ARHGAP19: variants seen among roughly 807,000 people sequenced by gnomAD.
The protein encoded by ARHGAP19 is Rho GTPase activating protein 19.
A neutral mutation model predicts 60.9 loss-of-function variants in ARHGAP19; 48 were observed. That is an observed-to-expected ratio of 0.79 (90% confidence interval 0.62 to 1.00). The LOEUF is 1.00. ARHGAP19 is among the 50% of genes least tolerant of loss of function. The pLI is 0.00. For missense variants in ARHGAP19, 562 were observed against 597.2 expected, an observed-to-expected ratio of 0.94 and a Z score of 0.61; for synonymous variants, 209 against 215.5, an observed-to-expected ratio of 0.97 and a Z score of 0.27.
intron 6 of ARHGAP19, 64 bp from the exon 7 acceptor site, chr10:97,246,401 C>T (rs931804259): frequency 2.3e-6 from 3 of 1,299,480 alleles, no homozygotes; most frequent in African/African-American, 1.5e-5. Flanking sequence ...TCTTTCAGGC[C>T]GCAAGGACAG....
Position 97,230,877 on chromosome 10 carries a change from C to A in ARHGAP19, c.1285-1003G>T, listed in dbSNP as rs1404583674. Among the ~76,000 whole-genome samples, 20 of 151,876 alleles carry A rather than the reference C, an allele frequency of 1.3e-4. 1 individual carries two copies. Among genetic ancestry groups the A allele is most frequent in the Admixed American group, 1.2e-3 (19 of 15,226 alleles). On this transcript the variant is annotated intron_variant, in intron 9 of 11. Coordinates refer to ENST00000358531, the MANE Select transcript of ARHGAP19 (RefSeq NM_032900.6). The stretch of plus-strand genomic sequence containing the variant: ...GGCCAGGAGTTTGAGACCAGCCTGG[C>A]CAACATGGTGAAATACTGTCTCTAC...
At chr10:97,226,232 T>C in intron 11 of ARHGAP19, 100 bp from the exon 12 acceptor site, 2 of 1,234,808 alleles carry the variant, frequency 1.6e-6, no homozygotes, top group South Asian at 2.7e-5. Flanking sequence ...TAATATTTTC[T>C]CCAAACTGAA....
intron 9 of ARHGAP19, among the ~76,000 whole-genome samples, chr10:97,231,248 G>T (rs1851011011): frequency 6.6e-6 from 1 of 152,108 alleles, no homozygotes; most frequent in Non-Finnish European, 1.5e-5. Context: ...GTCTAAGCAG[G>T]TAAATGCACT....
At chr10:97,243,824 A>G (rs758842795) in intron 8 of ARHGAP19, 144 bp downstream of exon 8, 29 of 707,090 alleles carry the variant, frequency 4.1e-5, no homozygotes, top group Non-Finnish European at 6.3e-5. Flanking sequence ...AATGGCACAG[A>G]GATCACTGTG....
chr10:97,234,304 G>C (rs1188163612), intron 9 of ARHGAP19, among the ~76,000 whole-genome samples: 1 of 151,466 alleles, frequency 6.6e-6, no homozygotes, highest in Non-Finnish European at 1.5e-5. Flanking sequence ...GCTAACGCAT[G>C]CTGGGCTTCA....
intron 1 of ARHGAP19, among the ~76,000 whole-genome samples, chr10:97,269,760 C>T (rs1842939489): frequency 6.6e-6 from 1 of 152,160 alleles, no homozygotes; most frequent in African/African-American, 2.4e-5. Context: ...TTCTCAATAA[C>T]TGATTCAGAT....
chr10:97,273,148 G>A (rs1193529032), intron 1 of ARHGAP19, among the ~76,000 whole-genome samples: 2 of 151,148 alleles, frequency 1.3e-5, no homozygotes, highest in Non-Finnish European at 3.0e-5. Flanking sequence ...CCTGTTTGTT[G>A]TTTATTTCAT....
chr10:97,263,678 G>T (rs771695709), intron 3 of ARHGAP19, 49 bp from the exon 4 acceptor site: 21 of 1,543,244 alleles, frequency 1.4e-5, no homozygotes, highest in African/African-American at 2.7e-5. Context: ...GAAGCAGAAA[G>T]ATTATTATTA....
Position 97,229,957 on chromosome 10 carries a change from G to T in ARHGAP19, c.1285-83C>A, listed in dbSNP as rs558703620. 250 of 994,250 alleles carry T rather than the reference G, an allele frequency of 2.5e-4. No individual in the cohort carries two copies. The African/African-American group carries it at 3.5e-3, about 14-fold the overall frequency. The allele number at this position is 994,250 out of a possible 1,614,324, so 61.6% of individuals were successfully genotyped here. A position where few individuals can be genotyped will look rare whatever the true frequency, so the allele number is the denominator to read the frequency against. On this transcript the variant is annotated intron_variant, in intron 9 of 11. Coordinates refer to ENST00000358531, the MANE Select transcript of ARHGAP19 (RefSeq NM_032900.6). ...CTATACTAGCCTTCAAAACTGTAAT[G>T]TCCTTGGGTTAAAAAAATCTCAGCA...
chr10:97,256,199 G>A (rs1156783467), intron 6 of ARHGAP19, 119 bp downstream of exon 6: 2 of 821,800 alleles, frequency 2.4e-6, no homozygotes, highest in African/African-American at 3.4e-5. Flanking sequence ...TGTCCATTCT[G>A]GTTTGCAATC....
rs1430075436 is a variant in ARHGAP19 at position 97,222,629 on chromosome 10, C to T, written c.*3493G>A. 1 of 152,246 alleles carries T rather than the reference C, an allele frequency of 6.6e-6. No individual in the cohort carries two copies. Among genetic ancestry groups the T allele is most frequent in the African/African-American group, 2.4e-5 (1 of 41,460 alleles). The allele number at this position is 152,246 out of a possible 1,614,324, so 9.4% of individuals were successfully genotyped here. A position where few individuals can be genotyped will look rare whatever the true frequency, so the allele number is the denominator to read the frequency against. ...TACAGTGGGTTTTAGTTGAGTTAAT[C>T]ACCACTGGTGTAAAACGCTTGTGCA... On this transcript the variant is annotated 3_prime_UTR_variant, in exon 12 of 12. Transcript: ENST00000358531.
At chr10:97,272,242 T>A (rs1229315595) in intron 1 of ARHGAP19, among the ~76,000 whole-genome samples, 1 of 147,828 alleles carries the variant, frequency 6.8e-6, no homozygotes, top group African/African-American at 2.5e-5. Context: ...TTCAAGCAAT[T>A]CTCCTGCCTC....
intron 1 of ARHGAP19, among the ~76,000 whole-genome samples, chr10:97,282,170 A>G (rs1478131448): frequency 6.6e-6 from 1 of 152,134 alleles, no homozygotes; most frequent in Non-Finnish European, 1.5e-5. Flanking sequence ...GAAACATTCT[A>G]TTCCCTTCAT....
intron 9 of ARHGAP19, among the ~76,000 whole-genome samples, chr10:97,233,761 G>A (rs2134815336): frequency 6.6e-6 from 1 of 152,182 alleles, no homozygotes; most frequent in African/African-American, 2.4e-5. Context: ...CCAGCTACTT[G>A]GGAGGCTGAG....
At chr10:97,257,325 T>C (rs530493974) in intron 5 of ARHGAP19, among the ~76,000 whole-genome samples, 115 of 150,532 alleles carry the variant, frequency 7.6e-4, no homozygotes, top group South Asian at 2.1e-3. Flanking sequence ...TCTCGCTTTG[T>C]TACCCAGATT....
chr10:97,285,344 TA>T (rs1564730053), intron 1 of ARHGAP19, among the ~76,000 whole-genome samples: 3 of 152,122 alleles, frequency 2.0e-5, no homozygotes, highest in East Asian at 1.9e-4. Flanking sequence ...TATTTTTATT[TA>T]TTTTTTTTAA....
chr10:97,260,934 TAAAAAAAAAAA>T (rs757386929), intron 4 of ARHGAP19, among the ~76,000 whole-genome samples: 1 of 107,604 alleles, frequency 9.3e-6, no homozygotes, highest in South Asian at 2.9e-4. Flanking sequence ...TCTCTATATT[TAAAAAAAAAAA>T]AAAAAAAAAA....
intron 8 of ARHGAP19, among the ~76,000 whole-genome samples, chr10:97,242,001 C>A (rs1301255152): frequency 1.4e-5 from 2 of 143,458 alleles, no homozygotes; most frequent in East Asian, 4.0e-4. Context: ...CAGAGTGAGA[C>A]TCTGCCTCAA....
At chr10:97,253,602 C>A (rs1842718024) in intron 6 of ARHGAP19, among the ~76,000 whole-genome samples, 1 of 152,048 alleles carries the variant, frequency 6.6e-6, no homozygotes, top group Admixed American at 6.6e-5. Flanking sequence ...TAGTTAACAA[C>A]AACGTATGGT....
Sources: gnomAD v4.1 joint callset for allele counts (sites outside exome capture counted in the v4.1 genomes callset) on GRCh38, gnomAD v4.1.1 for gene constraint, MANE v1.5 for transcripts, NCBI Gene and HGNC (gene_info 2026-07-23, HGNC 2026-07-21) for gene names.